The following RANBP17 variants were observed in gnomAD, a reference collection of about 807,000 sequenced individuals.
The protein encoded by RANBP17 is ran-binding protein 17.
RANBP17 carries 158 observed loss-of-function variants against 141.2 expected under a neutral mutation model. The observed-to-expected ratio is 1.12, with a 90% confidence interval of 0.98 to 1.28. The LOEUF is 1.28. Among genes scored for constraint, RANBP17 ranks in the 50% most tolerant of loss-of-function variants. RANBP17 has a pLI of 0.00. For missense variants in RANBP17, 1,438 were observed against 1,290.7 expected (o/e 1.11, Z -1.75); for synonymous variants, 430 against 450.0 (o/e 0.96, Z 0.56).
Position 171,100,202 on chromosome 5 carries a change from T to C in RANBP17, c.1711-69928T>C, listed in dbSNP as rs185353922. 2.0e-5 allele frequency among the ~76,000 whole-genome samples: 3 copies of C among 152,324 alleles called. No individual in the cohort carries two copies. In the East Asian group the frequency reaches 5.8e-4, roughly 29 times the overall value. ...TGGTACCAGCTCCTTTTTGTACCTC[T>C]GGTAGAATTTGGCTGTGAATTTGTC... On this transcript the variant is annotated intron_variant, in intron 14 of 27. Coordinates refer to ENST00000523189, the MANE Select transcript of RANBP17 (RefSeq NM_022897.5).
chr5:170,916,942 C>T (rs1430650214), intron 9 of RANBP17, among the ~76,000 whole-genome samples: 3 of 152,088 alleles, frequency 2.0e-5, no homozygotes, highest in African/African-American at 4.8e-5. Context: ...TCTCCAACTC[C>T]TGACCTCAAA....
chr5:171,236,466 T>C (rs1194584421), intron 22 of RANBP17, among the ~76,000 whole-genome samples: 3 of 152,136 alleles, frequency 2.0e-5, no homozygotes, highest in Non-Finnish European at 4.4e-5. Context: ...TGCAGCTAAT[T>C]CTCTATTGAA....
chr5:171,206,786 TTTAA>T (rs1762604996), intron 20 of RANBP17: 1 of 179,082 alleles, frequency 5.6e-6, no homozygotes, highest in South Asian at 2.0e-4. Flanking sequence ...CTGACATATC[TTTAA>T]TTATTATTAA....
intron 12 of RANBP17, among the ~76,000 whole-genome samples, chr5:170,939,243 G>T (rs1003827968): frequency 6.6e-6 from 1 of 152,012 alleles, no homozygotes; most frequent in African/African-American, 2.4e-5. Context: ...TCTACTAGCC[G>T]ATCTTTCATT....
At chr5:171,193,997 A>T (rs1248927708) in intron 18 of RANBP17, among the ~76,000 whole-genome samples, 2 of 152,186 alleles carry the variant, frequency 1.3e-5, no homozygotes, top group Non-Finnish European at 2.9e-5. Flanking sequence ...CAGTACTTAT[A>T]CAGTAAATCC....
At chr5:171,044,459 TAAC>T (rs1278841568) in intron 14 of RANBP17, among the ~76,000 whole-genome samples, 2 of 152,042 alleles carry the variant, frequency 1.3e-5, no homozygotes, top group African/African-American at 4.8e-5. Flanking sequence ...TTTGTAATAA[TAAC>T]ATTTTTTCAA....
chr5:171,240,993 A>C lies in RANBP17; in HGVS notation c.2488A>C (p.Ile830Leu). Residue 830 changes from isoleucine (I) to leucine (L), a missense_variant, in exon 23 of 28, where the codon ATC (isoleucine) becomes CTC (leucine). Ile to Leu is a conservative substitution (Grantham distance 5). Transcript: ENST00000523189. ...GATTTATCCAATGAAACTCAAGGGCATCTCCATCTGCTATTCAGCTCTCAA... is the reference window on the plus strand; with the variant it reads ...GATTTATCCAATGAAACTCAAGGGCCTCTCCATCTGCTATTCAGCTCTCAA... Reference protein sequence around the residue: ...DQIYPMKLKGISICYSALKSA... With the variant: ...DQIYPMKLKGLSICYSALKSA... 1 of 1,614,040 alleles carries C rather than the reference A, an allele frequency of 6.2e-7. No individual in the cohort carries two copies. The highest frequency in any genetic ancestry group is 8.5e-7 in the Non-Finnish European group (1 of 1,179,910).
At chr5:171,278,798 T>C (rs1767684195) in intron 25 of RANBP17, among the ~76,000 whole-genome samples, 1 of 152,158 alleles carries the variant, frequency 6.6e-6, no homozygotes, top group Non-Finnish European at 1.5e-5. Flanking sequence ...TAGACTTAAG[T>C]TTTATCAGAG....
chr5:171,132,908 G>A (rs914358699), intron 14 of RANBP17, among the ~76,000 whole-genome samples: 2 of 150,910 alleles, frequency 1.3e-5, no homozygotes, highest in Non-Finnish European at 3.0e-5. Flanking sequence ...TTTTTGAGAC[G>A]GAGTTTCGCT....
chr5:171,153,652 G>A (rs575620242), intron 14 of RANBP17, among the ~76,000 whole-genome samples: 15 of 152,264 alleles, frequency 9.9e-5, no homozygotes, highest in Admixed American at 9.8e-4. Context: ...ATTCACTTCT[G>A]CATATAACAT....
At chr5:171,007,933 G>T (rs1310912399) in intron 14 of RANBP17, among the ~76,000 whole-genome samples, 3 of 152,196 alleles carry the variant, frequency 2.0e-5, no homozygotes. Flanking sequence ...CGAAGCCGGT[G>T]GGGAGCAACC....
chr5:171,161,423 G>A (rs193002216), intron 14 of RANBP17: 1 of 200,958 alleles, frequency 5.0e-6, no homozygotes, highest in Non-Finnish European at 1.0e-5. Context: ...CGCCTGAGGA[G>A]TGATGTACCC....
At chr5:170,995,386 A>G (rs776844139) in intron 14 of RANBP17, among the ~76,000 whole-genome samples, 1 of 152,082 alleles carries the variant, frequency 6.6e-6, no homozygotes, top group African/African-American at 2.4e-5. Flanking sequence ...TTTGTAACCT[A>G]CTTTTATTTT....
At chr5:171,287,573 T>C (rs1376525336) in intron 25 of RANBP17, among the ~76,000 whole-genome samples, 1 of 147,550 alleles carries the variant, frequency 6.8e-6, no homozygotes, top group Admixed American at 6.7e-5. Flanking sequence ...TGATCATCCT[T>C]TTTTTTTTTT....
chr5:170,939,005 C>T (rs1202561943), intron 12 of RANBP17, among the ~76,000 whole-genome samples: 1 of 152,062 alleles, frequency 6.6e-6, no homozygotes, highest in Admixed American at 6.5e-5. Flanking sequence ...ACCCCAAAGA[C>T]AAAATGTTAA....
At chr5:171,161,369 G>A (rs963459803) in intron 14 of RANBP17, 15 of 189,828 alleles carry the variant, frequency 7.9e-5, no homozygotes, top group African/African-American at 2.3e-4. Flanking sequence ...CTTATTTCTG[G>A]TGCCAGGTGG....
intron 20 of RANBP17, among the ~76,000 whole-genome samples, chr5:171,213,244 A>G (rs1040623371): frequency 9.9e-5 from 15 of 152,208 alleles, no homozygotes; most frequent in African/African-American, 3.6e-4. Flanking sequence ...AACTGATAAT[A>G]ATAACTCAAA....
chr5:171,131,004 T>C (rs1016247232), intron 14 of RANBP17, among the ~76,000 whole-genome samples: 2 of 152,212 alleles, frequency 1.3e-5, no homozygotes, highest in African/African-American at 4.8e-5. Flanking sequence ...GGAATTCCTT[T>C]GCTAACTCTA....
intron 14 of RANBP17, among the ~76,000 whole-genome samples, chr5:171,136,416 T>C (rs887005515): frequency 6.6e-6 from 1 of 151,984 alleles, no homozygotes; most frequent in African/African-American, 2.4e-5. Flanking sequence ...TTTTTTTTTC[T>C]TTTCTTTTCT....
Sources: gnomAD v4.1 joint callset for allele counts (sites outside exome capture counted in the v4.1 genomes callset) on GRCh38, gnomAD v4.1.1 for gene constraint, MANE v1.5 for transcripts, NCBI Gene and HGNC (gene_info 2026-07-23, HGNC 2026-07-21) for gene names.